The following NFU1 variants were observed in gnomAD, a reference collection of about 807,000 sequenced individuals.
The protein encoded by NFU1 is NFU1 iron-sulfur cluster scaffold.
A neutral mutation model predicts 32.2 loss-of-function variants in NFU1; 30 were observed. The ratio of observed to expected loss-of-function variants is 0.93; its 90% CI spans 0.70 to 1.26. The LOEUF (loss-of-function observed/expected upper bound fraction) is 1.26. Ranked by LOEUF, NFU1 falls within the 50% of genes most tolerant of loss-of-function variation. The probability of loss-of-function intolerance (pLI) is 0.00; values close to 1 mark genes in which losing one functional copy is unlikely to be tolerated. For missense variants in NFU1, 306 were observed against 306.6 expected (o/e 1.00, Z 0.02); for synonymous variants, 112 against 104.6 (o/e 1.07, Z -0.43).
At chr2:69,436,418 T>C (rs1209750229) in intron 1 of NFU1, among the ~76,000 whole-genome samples, 2 of 152,158 alleles carry the variant, frequency 1.3e-5, no homozygotes, top group East Asian at 1.9e-4. Flanking sequence ...AATTTGGAAA[T>C]GCACTAGAAG....
upstream of NFU1, among the ~76,000 whole-genome samples, chr2:69,439,433 G>A (rs1162251134): frequency 1.3e-5 from 2 of 152,350 alleles, no homozygotes; most frequent in East Asian, 1.9e-4. Context: ...CAGGAGTGAA[G>A]CTGCAGACCT....
At chr2:69,435,251 T>C (rs553661834) in intron 1 of NFU1, among the ~76,000 whole-genome samples, 3 of 152,204 alleles carry the variant, frequency 2.0e-5, no homozygotes, top group Non-Finnish European at 2.9e-5. Context: ...AGCCCGGGAA[T>C]GGGCAGTCTA....
intron 5 of NFU1, among the ~76,000 whole-genome samples, chr2:69,410,238 A>T (rs138795512): frequency 0.017 from 2,557 of 152,124 alleles, 35 homozygotes; most frequent in Non-Finnish European, 0.024. Context: ...AAAATACAAA[A>T]ATCAGTCGGG....
chr2:69,400,926 G>A (rs976117467), intron 6 of NFU1, among the ~76,000 whole-genome samples: 3 of 151,864 alleles, frequency 2.0e-5, no homozygotes, highest in Admixed American at 2.0e-4. Flanking sequence ...CTCCAGCTTG[G>A]GTGACACAGC....
At chr2:69,418,013 CAT>C (rs1333856757) in intron 4 of NFU1, among the ~76,000 whole-genome samples, 1 of 151,986 alleles carries the variant, frequency 6.6e-6, no homozygotes, top group African/African-American at 2.4e-5. Context: ...AATTAGATAA[CAT>C]ATGTAAAGCA....
chr2:69,438,657 A>G (rs1558861968), upstream of NFU1, among the ~76,000 whole-genome samples: 1 of 152,166 alleles, frequency 6.6e-6, no homozygotes. Flanking sequence ...GAATGGAAAC[A>G]GCACACCTGT....
chr2:69,405,366 T>C (rs1672663867), intron 6 of NFU1, among the ~76,000 whole-genome samples: 1 of 152,236 alleles, frequency 6.6e-6, no homozygotes, highest in Non-Finnish European at 1.5e-5. Context: ...AAACAAATTT[T>C]CTGAAAGCCC....
intron 7 of NFU1, among the ~76,000 whole-genome samples, chr2:69,397,618 T>TAA (rs34318442): frequency 0.012 from 1,870 of 150,864 alleles, 48 homozygotes; most frequent in African/African-American, 0.043. Flanking sequence ...TTTTTTTTTT[T>TAA]AAAAAAAATC....
intron 2 of NFU1, among the ~76,000 whole-genome samples, chr2:69,425,190 T>TA (rs904503017): frequency 1.1e-4 from 16 of 151,758 alleles, no homozygotes; most frequent in Admixed American, 3.9e-4. Flanking sequence ...AGGCTTTTTT[T>TA]AAAAAAAATC....
At chr2:69,438,582 C>T (rs1271345167), upstream of NFU1, among the ~76,000 whole-genome samples, 4 of 152,172 alleles carry the variant, frequency 2.6e-5, no homozygotes, top group African/African-American at 7.2e-5. Flanking sequence ...CAAACCCTTC[C>T]CAGGATTCTG....
downstream of NFU1, chr2:69,396,083 A>G (rs772715454): frequency 3.3e-6 from 2 of 605,790 alleles, no homozygotes; most frequent in Non-Finnish European, 5.7e-6. Context: ...TCAAGAGGTT[A>G]TAAATAACTC....
chr2:69,414,575 G>A (rs1018656501), intron 5 of NFU1, among the ~76,000 whole-genome samples: 2 of 144,404 alleles, frequency 1.4e-5, no homozygotes, highest in Non-Finnish European at 3.0e-5. Context: ...CCAACATTGC[G>A]TCACTGCACT....
chr2:69,409,002 G>A (rs1407965945), intron 5 of NFU1, among the ~76,000 whole-genome samples: 1 of 150,788 alleles, frequency 6.6e-6, no homozygotes, highest in Non-Finnish European at 1.5e-5. Flanking sequence ...ACCACACCTG[G>A]CTAATTTTTT....
At chr2:69,411,302 TCAA>T (rs1366049249) in intron 5 of NFU1, among the ~76,000 whole-genome samples, 2 of 152,118 alleles carry the variant, frequency 1.3e-5, no homozygotes. Context: ...AAAAACTTCA[TCAA>T]CAACAAATAC....
At chr2:69,406,324 C>T (rs1015953526) in intron 5 of NFU1, among the ~76,000 whole-genome samples, 8 of 152,114 alleles carry the variant, frequency 5.3e-5, no homozygotes, top group Middle Eastern at 3.2e-3. Context: ...GATGAGTACA[C>T]TAAAACATCT....
intron 7 of NFU1, chr2:69,399,182 C>T: frequency 3.3e-6 from 1 of 300,170 alleles, no homozygotes; most frequent in Non-Finnish European, 6.6e-6. Flanking sequence ...TGCACTCCAG[C>T]CTGGGCAACA....
intron 5 of NFU1, among the ~76,000 whole-genome samples, chr2:69,413,054 G>A (rs769015492): frequency 1.1e-4 from 17 of 151,418 alleles, no homozygotes; most frequent in Non-Finnish European, 2.4e-4. Flanking sequence ...CAGCACTTTG[G>A]GAGGCTGAGG....
intron 4 of NFU1, among the ~76,000 whole-genome samples, chr2:69,418,818 A>T (rs1673145608): frequency 6.6e-6 from 1 of 152,088 alleles, no homozygotes; most frequent in African/African-American, 2.4e-5. Flanking sequence ...TAATCCTTTC[A>T]ATTTGCTTAA....
intron 5 of NFU1, among the ~76,000 whole-genome samples, chr2:69,406,716 T>G (rs1672705358): frequency 6.6e-6 from 1 of 151,972 alleles, no homozygotes; most frequent in African/African-American, 2.4e-5. Flanking sequence ...GGACCACAGG[T>G]GTGAGCCACC....
Sources: gnomAD v4.1 joint callset for allele counts (sites outside exome capture counted in the v4.1 genomes callset) on GRCh38, gnomAD v4.1.1 for gene constraint, MANE v1.5 for transcripts, NCBI Gene and HGNC (gene_info 2026-07-23, HGNC 2026-07-21) for gene names.